DOCK4: variants seen among roughly 807,000 people sequenced by gnomAD.
DOCK4 encodes the protein dedicator of cytokinesis protein 4.
DOCK4 carries 97 observed loss-of-function variants against 268.1 expected under a neutral mutation model. The ratio of observed to expected loss-of-function variants is 0.36; its 90% CI spans 0.31 to 0.43. The LOEUF (loss-of-function observed/expected upper bound fraction) is 0.43. DOCK4 is among the 20% of genes least tolerant of loss of function. The pLI is 1.00. For synonymous variants in DOCK4, 954 were observed against 887.2 expected (o/e 1.08, Z -1.34); for missense variants, 2,145 against 2,455.7 (o/e 0.87, Z 2.67).
intron 42 of DOCK4, among the ~76,000 whole-genome samples, chr7:111,748,562 A>G (rs1796428326): frequency 6.6e-6 from 1 of 152,168 alleles, no homozygotes; most frequent in Non-Finnish European, 1.5e-5. Context: ...TACTGCTACA[A>G]TAACATACTA....
At chr7:112,163,254 C>T (rs1817301333) in intron 1 of DOCK4, among the ~76,000 whole-genome samples, 1 of 151,894 alleles carries the variant, frequency 6.6e-6, no homozygotes, top group South Asian at 2.1e-4. Context: ...AACCCCCATA[C>T]CCCAGCATCC....
chr7:111,830,295 G>A (rs918865655), intron 26 of DOCK4, among the ~76,000 whole-genome samples: 25 of 152,150 alleles, frequency 1.6e-4, no homozygotes, highest in Admixed American at 1.3e-4. Context: ...GCGTGGTGGC[G>A]CGTGCCTGTA....
intron 27 of DOCK4, among the ~76,000 whole-genome samples, chr7:111,818,545 C>T (rs1255800243): frequency 6.6e-6 from 1 of 152,164 alleles, no homozygotes; most frequent in African/African-American, 2.4e-5. Flanking sequence ...TCCTTATTTC[C>T]AAAACCAATC....
intron 3 of DOCK4, 110 bp from the exon 4 acceptor site, chr7:111,998,613 G>A: frequency 1.6e-6 from 1 of 644,012 alleles, no homozygotes; most frequent in East Asian, 3.1e-5. Flanking sequence ...CAGGAATAGG[G>A]AAAAGCAACA....
chr7:112,128,406 T>G (rs1455849742), intron 1 of DOCK4, among the ~76,000 whole-genome samples: 3 of 152,026 alleles, frequency 2.0e-5, no homozygotes, highest in Non-Finnish European at 4.4e-5. Flanking sequence ...CACCACCCCG[T>G]CTGGGAGGTG....
chr7:112,022,695 T>C (rs1440193703), intron 1 of DOCK4, among the ~76,000 whole-genome samples: 1 of 152,224 alleles, frequency 6.6e-6, no homozygotes, highest in Non-Finnish European at 1.5e-5. Context: ...TGAGCACACC[T>C]GGGCAGCAAA....
chr7:111,926,225 C>T lies in DOCK4; in HGVS notation c.1066+9315G>A, dbSNP rs190866785. 5.5e-5 allele frequency among the ~76,000 whole-genome samples: 8 copies of T among 145,100 alleles called. No homozygotes were observed. The South Asian group carries it at 1.5e-3, about 28-fold the overall frequency. On this transcript the variant is annotated intron_variant, in intron 12 of 52. Transcript: ENST00000428084. ...ACGAGGTCAGGAGATCGAGACTATC[C>T]TGGCCAACATGGTAAAACCCCATCT...
rs549051588 is a variant in DOCK4 at position 111,846,731 on chromosome 7, G to A, written c.2601+268C>T. Among the ~76,000 whole-genome samples, 9 of 152,286 alleles carry A rather than the reference G, an allele frequency of 5.9e-5. No homozygotes were observed. The South Asian group carries it at 1.9e-3, about 32-fold the overall frequency. On this transcript the variant is annotated intron_variant, in intron 24 of 52. Transcript: ENST00000428084. ...TCATATCAAGATTAAAGACACACGTGGGAGGCTTTGAGATTTCTCATTTTT... is the reference window on the plus strand; with the variant it reads ...TCATATCAAGATTAAAGACACACGTAGGAGGCTTTGAGATTTCTCATTTTT...
At chr7:111,867,461 C>T (rs530385767) in intron 22 of DOCK4, among the ~76,000 whole-genome samples, 1 of 152,128 alleles carries the variant, frequency 6.6e-6, no homozygotes, top group Non-Finnish European at 1.5e-5. Flanking sequence ...TTAAAAAAAA[C>T]ATGTGGGGCT....
chr7:111,945,431 C>T (rs1161223913), intron 9 of DOCK4, among the ~76,000 whole-genome samples: 1 of 152,162 alleles, frequency 6.6e-6, no homozygotes, highest in Non-Finnish European at 1.5e-5. Flanking sequence ...GGTGATCCAC[C>T]CGCCTCGGCC....
rs1054634419 is a variant in DOCK4 at position 112,135,853 on chromosome 7, A to G, written c.37+70249T>C. Among the ~76,000 whole-genome samples the G allele has an allele frequency of 3.9e-5, 6 of 152,310 alleles. No homozygotes were observed. In the East Asian group the frequency reaches 9.6e-4, roughly 24 times the overall value. ...TGAATTTTGTTGCTTTCCTGGTGGA[A>G]TATCTGAAAGGCCAACAGAAAATAA... is the stretch of plus-strand genomic sequence containing the variant. On this transcript the variant is annotated intron_variant, in intron 1 of 52. Transcript: ENST00000428084.
intron 41 of DOCK4, among the ~76,000 whole-genome samples, chr7:111,757,535 CA>C (rs1435385812): frequency 6.6e-6 from 1 of 152,158 alleles, no homozygotes; most frequent in Middle Eastern, 3.2e-3. Flanking sequence ...AGAACATGAT[CA>C]TGGATCTTTT....
intron 1 of DOCK4, among the ~76,000 whole-genome samples, chr7:112,034,195 G>A (rs1267215789): frequency 6.6e-6 from 1 of 152,038 alleles, no homozygotes; most frequent in African/African-American, 2.4e-5. Context: ...TAACCATAGT[G>A]GAATCAAACA....
chr7:112,107,909 G>A (rs1488889179), intron 1 of DOCK4, among the ~76,000 whole-genome samples: 1 of 152,212 alleles, frequency 6.6e-6, no homozygotes, highest in Non-Finnish European at 1.5e-5. Context: ...GGCTGGAAAT[G>A]TCAGCCTGAG....
At chr7:111,931,131 C>T (rs568540096) in intron 12 of DOCK4, among the ~76,000 whole-genome samples, 1 of 152,214 alleles carries the variant, frequency 6.6e-6, no homozygotes, top group African/African-American at 2.4e-5. Flanking sequence ...GTCACAAGGA[C>T]AGCGGAGCAG....
chr7:111,834,610 A>G lies in DOCK4; in HGVS notation c.2813T>C (p.Phe938Ser). The change falls in exon 26 of 53, where the codon TTT (phenylalanine) becomes TCT (serine). Residue 938 changes from phenylalanine to serine, a missense_variant. Around this residue, in one of 2 missense-constraint regions of DOCK4, gnomAD observed 1,598 missense variants for 1,986.7 expected, o/e 0.80. Transcript: ENST00000428084. ...TACCCTTAGTTCTTCCTTTGTATTA[A>G]AACTATCAAGAAGCTGTTGATAATG... ...DRHYQQLLDSFNTKEELRDFL... is the reference protein window; with the variant it reads ...DRHYQQLLDSSNTKEELRDFL... 6.4e-7 allele frequency: 1 copy of G among 1,553,666 alleles called. No homozygotes were observed. The highest frequency in any genetic ancestry group is 8.7e-7 in the Non-Finnish European group (1 of 1,148,166).
intron 1 of DOCK4, among the ~76,000 whole-genome samples, chr7:112,176,294 A>T (rs1586979926): frequency 6.6e-6 from 1 of 152,134 alleles, no homozygotes; most frequent in East Asian, 1.9e-4. Flanking sequence ...GAATTCCTTA[A>T]ATCCACCCAT....
At chr7:111,874,131 G>A (rs1293453814) in intron 17 of DOCK4, among the ~76,000 whole-genome samples, 2 of 152,038 alleles carry the variant, frequency 1.3e-5, no homozygotes, top group East Asian at 3.9e-4. Flanking sequence ...CTCACTTCAG[G>A]AGGCCTCCCC....
At chr7:111,837,768 G>C (rs996332342) in intron 25 of DOCK4, among the ~76,000 whole-genome samples, 1 of 152,136 alleles carries the variant, frequency 6.6e-6, no homozygotes, top group Non-Finnish European at 1.5e-5. Flanking sequence ...ACATGTTCAT[G>C]GATTGGGAAA....
Sources: allele counts gnomAD v4.1 joint callset (sites outside exome capture counted in the v4.1 genomes callset), GRCh38; gene constraint gnomAD v4.1.1; regional missense constraint gnomAD v4.1.1; transcripts MANE v1.5; gene names NCBI Gene and HGNC (gene_info 2026-07-23, HGNC 2026-07-21).